The following MMP16 variants were observed in gnomAD, a reference collection of about 807,000 sequenced individuals.
The protein encoded by MMP16 is matrix metallopeptidase 16, also known as matrix metalloproteinase-16.
MMP16 carries 12 observed loss-of-function variants against 67.8 expected under a neutral mutation model. The observed-to-expected ratio is 0.18, with a 90% CI of 0.11 to 0.29. The LOEUF (loss-of-function observed/expected upper bound fraction) is 0.29. Ranked by LOEUF, MMP16 falls within the 10% of genes least tolerant of loss-of-function variation. The pLI is 1.00. For synonymous variants in MMP16, 249 were observed against 255.9 expected (o/e 0.97, Z 0.26); for missense variants, 475 against 765.7 (o/e 0.62, Z 4.48).
intron 7 of MMP16, among the ~76,000 whole-genome samples, chr8:88,060,005 A>T (rs1292321484): frequency 1.3e-5 from 2 of 151,856 alleles, no homozygotes; most frequent in East Asian, 1.9e-4. Context: ...AAAGTGATAC[A>T]AGGAGCAAAG....
chr8:88,118,862 CTG>C lies in MMP16; in HGVS notation c.710-3_710-2del. 1 of 1,611,796 alleles carries C rather than the reference CTG, an allele frequency of 6.2e-7. No individual in the cohort carries two copies. Among genetic ancestry groups the C allele is most frequent in the Non-Finnish European group, 8.5e-7 (1 of 1,178,884 alleles). On this transcript the variant is annotated splice_acceptor_variant and splice_polypyrimidine_tract_variant and intron_variant, in intron 4 of 9. Transcript: ENST00000286614. LOFTEE classifies it high-confidence loss of function. ...ACTGCTACAAGAAATAAGTCATTTC[CTG>C]TGTGAACAAGAAGAAAATAAGTTTT... is the stretch of plus-strand genomic sequence containing the variant.
intron 1 of MMP16, among the ~76,000 whole-genome samples, chr8:88,232,328 C>T (rs1441206660): frequency 2.6e-5 from 4 of 152,048 alleles, no homozygotes. Flanking sequence ...GAAGCAATCT[C>T]CCAACGGGTC....
At chr8:88,196,303 A>C (rs1441403703) in intron 2 of MMP16, among the ~76,000 whole-genome samples, 1 of 152,180 alleles carries the variant, frequency 6.6e-6, no homozygotes. Flanking sequence ...TTTTCCCTCT[A>C]CTGAAAAAAA....
At chr8:88,115,666 C>T (rs1466261932) in intron 6 of MMP16, among the ~76,000 whole-genome samples, 1 of 152,054 alleles carries the variant, frequency 6.6e-6, no homozygotes, top group African/African-American at 2.4e-5. Context: ...CCAAAACTGA[C>T]AGCACATTGT....
intron 1 of MMP16, among the ~76,000 whole-genome samples, chr8:88,275,191 T>G (rs188930718): frequency 6.6e-6 from 1 of 151,972 alleles, no homozygotes; most frequent in Non-Finnish European, 1.5e-5. Context: ...TATCTTCCCA[T>G]TATTTTGTGT....
At position 88,249,958 on chromosome 8, in the gene MMP16, T is replaced by G. The variant is rs556617031; in HGVS notation, c.133-52652A>C. On this transcript the variant is annotated intron_variant, in intron 1 of 9. Coordinates refer to ENST00000286614, the MANE Select transcript of MMP16 (RefSeq NM_005941.5). ...AATTTTATGTAATGTTCCTAAAATA[T>G]TTTACTTGTTTTATTTTAGCACTAT... Among the ~76,000 whole-genome samples, 548 of 152,212 alleles carry G rather than the reference T, an allele frequency of 3.6e-3. 5 individuals carry two copies. The highest frequency in any genetic ancestry group is 0.012 in the African/African-American group (519 of 41,550).
At chr8:88,302,946 CG>C (rs1431648477) in intron 1 of MMP16, among the ~76,000 whole-genome samples, 1 of 152,158 alleles carries the variant, frequency 6.6e-6, no homozygotes, top group Non-Finnish European at 1.5e-5. Flanking sequence ...CCAAGAGAAG[CG>C]GTGAGTGATT....
intron 6 of MMP16, among the ~76,000 whole-genome samples, chr8:88,107,324 A>T (rs1011007861): frequency 6.6e-6 from 1 of 151,100 alleles, no homozygotes; most frequent in African/African-American, 2.4e-5. Context: ...AATGAATATC[A>T]TAATTTTCAT....
At chr8:88,205,926 T>C (rs1205231878) in intron 1 of MMP16, among the ~76,000 whole-genome samples, 1 of 152,146 alleles carries the variant, frequency 6.6e-6, no homozygotes, top group East Asian at 1.9e-4. Flanking sequence ...CTTTTTTCTT[T>C]TACCTCATCA....
At chr8:88,162,091 A>T (rs1398554297) in intron 4 of MMP16, among the ~76,000 whole-genome samples, 1 of 152,054 alleles carries the variant, frequency 6.6e-6, no homozygotes. Context: ...ATCCATTTAT[A>T]TGTTTTTGTA....
chr8:88,234,194 C>G (rs7816422), intron 1 of MMP16, among the ~76,000 whole-genome samples: 109,834 of 152,052 alleles, frequency 0.72, 42,103 homozygotes, highest in Non-Finnish European at 0.88. Flanking sequence ...TTCATATTAC[C>G]GAATAGCAGA....
At chr8:88,206,358 G>T (rs1325751726) in intron 1 of MMP16, among the ~76,000 whole-genome samples, 2 of 152,120 alleles carry the variant, frequency 1.3e-5, no homozygotes, top group African/African-American at 4.8e-5. Context: ...TAAATTCCCA[G>T]CTGGGGCCAC....
At chr8:88,105,833 A>G (rs1202531148) in intron 6 of MMP16, among the ~76,000 whole-genome samples, 2 of 151,190 alleles carry the variant, frequency 1.3e-5, no homozygotes, top group African/African-American at 2.4e-5. Context: ...AAAACAACAA[A>G]TTTTCCTTGA....
At chr8:88,204,011 A>G (rs184220657) in intron 1 of MMP16, among the ~76,000 whole-genome samples, 2 of 152,340 alleles carry the variant, frequency 1.3e-5, no homozygotes, top group Admixed American at 1.3e-4. Context: ...ATTTTTAAAG[A>G]CAGATGTTTG....
intron 7 of MMP16, among the ~76,000 whole-genome samples, chr8:88,061,443 G>C (rs1808399160): frequency 1.3e-5 from 2 of 151,964 alleles, no homozygotes; most frequent in Admixed American, 1.3e-4. Flanking sequence ...GGTACATCTT[G>C]TGTCAGCTCA....
chr8:88,148,007 C>CT (rs931847743), intron 4 of MMP16, among the ~76,000 whole-genome samples: 3 of 152,090 alleles, frequency 2.0e-5, no homozygotes, highest in Non-Finnish European at 4.4e-5. Context: ...CATTTCCTAT[C>CT]TTTTTTACTC....
chr8:88,196,922 A>AT (rs28907573), intron 2 of MMP16, among the ~76,000 whole-genome samples: 101,402 of 151,912 alleles, frequency 0.67, 36,189 homozygotes, highest in Non-Finnish European at 0.82. Flanking sequence ...TTTCATTCAT[A>AT]TTTCTTTACT....
intron 1 of MMP16, among the ~76,000 whole-genome samples, chr8:88,307,901 G>A (rs375019500): frequency 3.4e-4 from 51 of 151,976 alleles, no homozygotes; most frequent in African/African-American, 1.0e-3. Context: ...GATGAAAGTC[G>A]CTTGGTAATT....
Position 88,197,157 on chromosome 8 carries a change from C to A in MMP16, c.281+1G>T, listed in dbSNP as rs151111028. 6.2e-7 allele frequency: 1 copy of A among 1,608,572 alleles called. No homozygotes were observed. The highest frequency in any genetic ancestry group is 8.5e-7 in the Non-Finnish European group (1 of 1,178,418). ...AAAGGAGGATGGGAGCCATTACTTA[C>A]TCAATTGTGTTTCTGTCCACTTTTC... On this transcript the variant is annotated splice_donor_variant, in intron 2 of 9. Coordinates refer to ENST00000286614, the MANE Select transcript of MMP16 (RefSeq NM_005941.5). LOFTEE classifies it high-confidence loss of function.
Sources: allele counts gnomAD v4.1 joint callset (sites outside exome capture counted in the v4.1 genomes callset), GRCh38; gene constraint gnomAD v4.1.1; transcripts MANE v1.5; gene names NCBI Gene and HGNC (gene_info 2026-07-23, HGNC 2026-07-21).